The following PCP4L1 variants were observed in gnomAD, a reference collection of about 807,000 sequenced individuals.
The protein encoded by PCP4L1 is Purkinje cell protein 4-like protein 1.
Under a neutral mutation model 9.6 loss-of-function variants are expected in PCP4L1, and 9 were observed. The ratio of observed to expected loss-of-function variants is 0.94; its 90% CI spans 0.57 to 1.64. The LOEUF (loss-of-function observed/expected upper bound fraction) is 1.64. PCP4L1 is among the 40% of genes most tolerant of loss of function. PCP4L1 has a pLI of 0.00. For missense variants in PCP4L1, 81 were observed against 80.8 expected, an observed-to-expected ratio of 1.00 and a Z score of -0.01; for synonymous variants, 31 against 28.2, an observed-to-expected ratio of 1.10 and a Z score of -0.31.
At chr1:161,277,518 G>C (rs1669718949) in intron 1 of PCP4L1, among the ~76,000 whole-genome samples, 1 of 152,164 alleles carries the variant, frequency 6.6e-6, no homozygotes, top group Non-Finnish European at 1.5e-5. Context: ...GATAATGTTT[G>C]ATATATAATA....
Position 161,285,415 on chromosome 1 carries a change from A to G in PCP4L1, c.*934A>G, listed in dbSNP as rs1669894339. ...TTTAGCATGTTTAATCATTTTAACA[A>G]TAAACCACCCCACAAATGGGGTCAT... On this transcript the variant is annotated 3_prime_UTR_variant, in exon 3 of 3. Transcript: ENST00000504449. The G allele has an allele frequency of 6.6e-6, 1 of 152,320 alleles. No homozygotes were observed. The highest frequency in any genetic ancestry group is 1.5e-5 in the Non-Finnish European group (1 of 68,028). The allele number at this position is 152,320 out of a possible 1,614,324, so 9.4% of individuals were successfully genotyped here.
chr1:161,263,938 C>G (rs1349981404), intron 1 of PCP4L1, among the ~76,000 whole-genome samples: 4 of 106,498 alleles, frequency 3.8e-5, no homozygotes, highest in Non-Finnish European at 7.0e-5. Flanking sequence ...GAGATGGAGT[C>G]TCACTCTGTC....
chr1:161,273,437 C>CA (rs1252626987), intron 1 of PCP4L1, among the ~76,000 whole-genome samples: 1 of 152,044 alleles, frequency 6.6e-6, no homozygotes, highest in Non-Finnish European at 1.5e-5. Context: ...AACAAACAAA[C>CA]AAACAAAACC....
At chr1:161,259,894 C>T (rs2501866) in intron 1 of PCP4L1, among the ~76,000 whole-genome samples, 106,715 of 152,208 alleles carry the variant, frequency 0.7, 37,966 homozygotes, top group African/African-American at 0.81. Context: ...TGTATGTAGG[C>T]CAGCTACTTA....
At chr1:161,269,810 G>A (rs971712845) in intron 1 of PCP4L1, among the ~76,000 whole-genome samples, 1 of 151,916 alleles carries the variant, frequency 6.6e-6, no homozygotes, top group South Asian at 2.1e-4. Flanking sequence ...ACCAGCCTGG[G>A]CAACATGGCA....
chr1:161,267,924 G>A (rs1455001235), intron 1 of PCP4L1, among the ~76,000 whole-genome samples: 1 of 152,134 alleles, frequency 6.6e-6, no homozygotes, highest in Non-Finnish European at 1.5e-5. Flanking sequence ...TGTTGGCCAG[G>A]CTGGTCTCAA....
intron 1 of PCP4L1, among the ~76,000 whole-genome samples, chr1:161,259,238 G>A (rs958384560): frequency 1.3e-5 from 2 of 152,136 alleles, no homozygotes; most frequent in Admixed American, 6.5e-5. Context: ...GTCCGGAAGC[G>A]GGGATGCTGA....
intron 1 of PCP4L1, among the ~76,000 whole-genome samples, chr1:161,268,137 T>C (rs1669559748): frequency 6.6e-6 from 1 of 152,204 alleles, no homozygotes; most frequent in South Asian, 2.1e-4. Context: ...TCCTTTTCCC[T>C]GTGGTGTATA....
At chr1:161,259,846 G>A (rs375615396) in intron 1 of PCP4L1, among the ~76,000 whole-genome samples, 26 of 152,184 alleles carry the variant, frequency 1.7e-4, no homozygotes, top group African/African-American at 5.6e-4. Flanking sequence ...TACCCACATC[G>A]TTGTGTTAAA....
intron 1 of PCP4L1, among the ~76,000 whole-genome samples, chr1:161,263,946 G>C (rs1669464197): frequency 5.2e-5 from 6 of 114,788 alleles, no homozygotes. Context: ...GTCTCACTCT[G>C]TCGCCCAAGC....
chr1:161,275,996 T>C (rs1482185550), intron 1 of PCP4L1, among the ~76,000 whole-genome samples: 1 of 151,968 alleles, frequency 6.6e-6, no homozygotes, highest in East Asian at 1.9e-4. Context: ...GGTTTCGCCA[T>C]GTTGGCCAGG....
intron 1 of PCP4L1, among the ~76,000 whole-genome samples, chr1:161,268,833 G>A (rs969881287): frequency 6.6e-6 from 1 of 152,186 alleles, no homozygotes; most frequent in Non-Finnish European, 1.5e-5. Context: ...ACAGGCGTGA[G>A]CCACCATGCC....
intron 1 of PCP4L1, among the ~76,000 whole-genome samples, chr1:161,272,889 A>G (rs1454745080): frequency 6.6e-6 from 1 of 152,100 alleles, no homozygotes; most frequent in Non-Finnish European, 1.5e-5. Flanking sequence ...GGAGGCAGAT[A>G]GGCAAGTGTG....
chr1:161,283,528 C>CAAAGAAGACT, intron 1 of PCP4L1, 140 bp from the exon 2 acceptor site: 1 of 728,982 alleles, frequency 1.4e-6, no homozygotes, highest in Non-Finnish European at 2.2e-6. Flanking sequence ...GGTCTCTGAT[C>CAAAGAAGACT]TCAAGACTTG....
At position 161,284,717 on chromosome 1, in the gene PCP4L1, G is replaced by C; in HGVS notation, c.*236G>C. The C allele has an allele frequency of 1.7e-6, 1 of 572,044 alleles. No homozygotes were observed. The highest frequency in any genetic ancestry group is 3.1e-6 in the Non-Finnish European group (1 of 325,106). The allele number at this position is 572,044 out of a possible 1,614,324, so 35.4% of individuals were successfully genotyped here. A position where few individuals can be genotyped will look rare whatever the true frequency, so the allele number is the denominator to read the frequency against. On this transcript the variant is annotated 3_prime_UTR_variant, in exon 3 of 3. Transcript: ENST00000504449. ...TCTAAGGGTGGAACAATTTCTTCTTGGTATAAGGTTCTTTGATCAGTAGCT... is the reference window on the plus strand; with the variant it reads ...TCTAAGGGTGGAACAATTTCTTCTTCGTATAAGGTTCTTTGATCAGTAGCT...
intron 1 of PCP4L1, among the ~76,000 whole-genome samples, chr1:161,259,472 AC>A (rs1280111985): frequency 6.6e-6 from 1 of 152,090 alleles, no homozygotes; most frequent in Non-Finnish European, 1.5e-5. Flanking sequence ...CCTGCCCTCC[AC>A]TCATTCAGTC....
At chr1:161,262,449 A>AG (rs1264494116) in intron 1 of PCP4L1, among the ~76,000 whole-genome samples, 1 of 126,960 alleles carries the variant, frequency 7.9e-6, no homozygotes, top group Non-Finnish European at 1.9e-5. Flanking sequence ...AAAAAAAAAA[A>AG]AAAAAAAGAA....
Position 161,284,514 on chromosome 1 carries a change from T to G in PCP4L1, c.*33T>G. 1.9e-6 allele frequency: 3 copies of G among 1,601,324 alleles called. No homozygotes were observed. Among genetic ancestry groups the G allele is most frequent in the Non-Finnish European group, 2.6e-6 (3 of 1,173,754 alleles). On this transcript the variant is annotated 3_prime_UTR_variant, in exon 3 of 3. Coordinates refer to ENST00000504449, the MANE Select transcript of PCP4L1 (RefSeq NM_001102566.2). ...GGCTTGCCCTTCACCTTCACCTTCA[T>G]GCTGGTCCCTTCTCTCCCCTTCTCC...
intron 1 of PCP4L1, among the ~76,000 whole-genome samples, chr1:161,262,784 G>C (rs886184574): frequency 5.9e-5 from 9 of 152,226 alleles, no homozygotes; most frequent in African/African-American, 2.2e-4. Context: ...AAGTGGTGGA[G>C]ATAGAGTTGC....
Sources: allele counts gnomAD v4.1 joint callset (sites outside exome capture counted in the v4.1 genomes callset), GRCh38; gene constraint gnomAD v4.1.1; transcripts MANE v1.5; gene names NCBI Gene and HGNC (gene_info 2026-07-23, HGNC 2026-07-21).